EGFR: variants seen among roughly 807,000 people sequenced by gnomAD.
EGFR encodes the protein avian erythroblastic leukemia viral (v-erb-b) oncogene homolog.
In EGFR, 58 loss-of-function variants were observed where a neutral mutation model predicts 143.0. The observed-to-expected ratio is 0.41, with a 90% CI of 0.33 to 0.50. The LOEUF is 0.50. Ranked by LOEUF, EGFR falls within the 20% of genes least tolerant of loss-of-function variation. The pLI, the probability that EGFR is intolerant of heterozygous loss-of-function variation, is 0.39. For missense variants in EGFR, 1,307 were observed against 1,579.0 expected, an observed-to-expected ratio of 0.83 and a Z score of 2.92; for synonymous variants, 613 against 594.4, an observed-to-expected ratio of 1.03 and a Z score of -0.45.
intron 1 of EGFR, among the ~76,000 whole-genome samples, chr7:55,101,918 C>T (rs964176222): frequency 2.0e-5 from 3 of 152,162 alleles, no homozygotes; most frequent in African/African-American, 7.2e-5. Context: ...TCCACGCAGC[C>T]CAGAAGCCTT....
intron 1 of EGFR, among the ~76,000 whole-genome samples, chr7:55,035,927 A>G (rs1355242609): frequency 6.6e-6 from 1 of 152,088 alleles, no homozygotes; most frequent in Non-Finnish European, 1.5e-5. Flanking sequence ...TTATTTTGAT[A>G]TCATTATCTA....
rs112998448 is a variant in EGFR at position 55,201,720 on chromosome 7, C to A, written c.3115-15C>A. On this transcript the variant is annotated splice_polypyrimidine_tract_variant and intron_variant, in intron 25 of 27. Coordinates refer to ENST00000275493, the MANE Select transcript of EGFR (RefSeq NM_005228.5). ...TACAAGCATTCCATGGGCAACTTCT[C>A]TGTTTCTTTTTCAGAGTGCAACCAG... The A allele has an allele frequency of 6.2e-7, 1 of 1,614,206 alleles. No homozygotes were observed. The highest frequency in any genetic ancestry group is 1.3e-5 in the African/African-American group (1 of 75,060).
chr7:55,184,943 G>A (rs1300525428), intron 20 of EGFR, among the ~76,000 whole-genome samples: 1 of 152,164 alleles, frequency 6.6e-6, no homozygotes, highest in Non-Finnish European at 1.5e-5. Context: ...GAAACACTTA[G>A]TGGCTGACCA....
Position 55,142,299 on chromosome 7 carries a change from G to A in EGFR, c.102G>A (p.Thr34=), listed in dbSNP as rs148679319. ...ALEEKKVCQG[T]SNKLTQLGTF... ...TTTTTCTTCCAGTTTGCCAAGGCAC[G>A]AGTAACAAGCTCACGCAGTTGGGCA... The change falls in exon 2 of 28, where the codon ACG becomes ACA. Residue 34 remains threonine, a synonymous_variant. Coordinates refer to ENST00000275493, the MANE Select transcript of EGFR (RefSeq NM_005228.5). The A allele has an allele frequency of 4.3e-6, 7 of 1,614,054 alleles. No homozygotes were observed. Among genetic ancestry groups the A allele is most frequent in the South Asian group, 3.3e-5 (3 of 91,082 alleles).
Position 55,174,839 on chromosome 7 carries a change from G to A in EGFR, c.2283+19G>A, listed in dbSNP as rs1786529404. 2 of 1,604,390 alleles carry A rather than the reference G, an allele frequency of 1.2e-6. No homozygotes were observed. The highest frequency in any genetic ancestry group is 1.1e-5 in the South Asian group (1 of 90,898). On this transcript the variant is annotated intron_variant, in intron 19 of 27. Coordinates refer to ENST00000275493, the MANE Select transcript of EGFR (RefSeq NM_005228.5). ...CCTCGATGTGAGTTTCTGCTTTGCT[G>A]TGTGGGGGTCCATGGCTCTGAACCT... is the stretch of plus-strand genomic sequence containing the variant.
chr7:55,080,186 T>C (rs966736652), intron 1 of EGFR, among the ~76,000 whole-genome samples: 1 of 152,074 alleles, frequency 6.6e-6, no homozygotes, highest in African/African-American at 2.4e-5. Context: ...AGAGTTGAGG[T>C]CAAGGTTCTT....
rs1787902459 is a variant in EGFR, at chr7:55,202,657, C to T, written c.3271+32C>T. On this transcript the variant is annotated intron_variant, in intron 27 of 27. Coordinates refer to ENST00000275493, the MANE Select transcript of EGFR (RefSeq NM_005228.5). ...GGCTTGTCTGGAAACAGTCCTGCTC[C>T]TCAACCTCCTCGACCCACTCAGCAG... 1.9e-6 allele frequency: 3 copies of T among 1,575,910 alleles called. No individual in the cohort carries two copies. The East Asian group carries it at 7.1e-5, about 37-fold the overall frequency.
At chr7:55,166,164 CAAAA>C (rs201695298) in intron 15 of EGFR, 9 of 426,092 alleles carry the variant, frequency 2.1e-5, no homozygotes, top group African/African-American at 1.9e-4. Context: ...AAAACAAAAA[CAAAA>C]AAAAAAGCTA....
chr7:55,120,127 AGTGTTTCTGTTGCATCGCT>A (rs1182913934), intron 1 of EGFR, among the ~76,000 whole-genome samples: 1 of 152,134 alleles, frequency 6.6e-6, no homozygotes, highest in Non-Finnish European at 1.5e-5. Flanking sequence ...ACTCTTTTTC[AGTGTTTCTGTTGCATCGCT>A]GTGTCTCTCT....
At chr7:55,093,270 T>A (rs1045241388) in intron 1 of EGFR, among the ~76,000 whole-genome samples, 2 of 152,228 alleles carry the variant, frequency 1.3e-5, no homozygotes, top group Non-Finnish European at 2.9e-5. Context: ...GCCTTCCATG[T>A]TTTTTTGTTC....
intron 1 of EGFR, among the ~76,000 whole-genome samples, chr7:55,097,851 G>A (rs1338605919): frequency 6.6e-6 from 1 of 151,098 alleles, no homozygotes; most frequent in Non-Finnish European, 1.5e-5. Context: ...CTTTATTGAT[G>A]TCACCTAAAT....
chr7:55,132,857 A>G (rs541112799), intron 1 of EGFR, among the ~76,000 whole-genome samples: 2 of 152,290 alleles, frequency 1.3e-5, no homozygotes, highest in South Asian at 4.2e-4. Flanking sequence ...GAATTAATGA[A>G]CAAAAGAACA....
In EGFR at chr7:55,200,238, T is replaced by C. The variant is rs183284476; in HGVS notation, c.2849-78T>C. 18 of 1,343,658 alleles carry C rather than the reference T, an allele frequency of 1.3e-5. No individual in the cohort carries two copies. In the East Asian group the frequency reaches 3.9e-4, roughly 29 times the overall value. 83.2% of individuals were successfully genotyped at this position (1,343,658 alleles called of 1,614,324 possible). On this transcript the variant is annotated intron_variant, in intron 23 of 27. Coordinates refer to ENST00000275493, the MANE Select transcript of EGFR (RefSeq NM_005228.5). Reference sequence around the variant, plus strand: ...TTGACTGGAAGTGTCGCATCACCAATGCCTTCTTTAAGCAATGCCATCTTT... The same window carrying C: ...TTGACTGGAAGTGTCGCATCACCAACGCCTTCTTTAAGCAATGCCATCTTT...
chr7:55,206,855 G>A lies in EGFR; in HGVS notation c.*1238G>A. ...CACTTACAGCTCTGGCCACAACAGG[G>A]CATTTTACAGGTGCGAATGACAGTA... On this transcript the variant is annotated 3_prime_UTR_variant, in exon 28 of 28. Coordinates refer to ENST00000275493, the MANE Select transcript of EGFR (RefSeq NM_005228.5). 1 of 233,262 alleles carries A rather than the reference G, an allele frequency of 4.3e-6. No homozygotes were observed. Among genetic ancestry groups the A allele is most frequent in the Non-Finnish European group, 8.5e-6 (1 of 118,040 alleles). The allele number at this position is 233,262 out of a possible 1,614,324, so 14.4% of individuals were successfully genotyped here. A position where few individuals can be genotyped will look rare whatever the true frequency, so the allele number is the denominator to read the frequency against.
At chr7:55,124,309 A>G (rs1793390947) in intron 1 of EGFR, among the ~76,000 whole-genome samples, 1 of 152,188 alleles carries the variant, frequency 6.6e-6, no homozygotes, top group Admixed American at 6.5e-5. Flanking sequence ...AGGTTTTTGG[A>G]GAGGTATTTT....
chr7:55,142,271 G>A lies in EGFR; in HGVS notation c.89-15G>A, dbSNP rs777736869. ...TTTCTCAGTATTTCATGTGATATCTGTCTTTTTCTTCCAGTTTGCCAAGGC... is the reference window on the plus strand; with the variant it reads ...TTTCTCAGTATTTCATGTGATATCTATCTTTTTCTTCCAGTTTGCCAAGGC... On this transcript the variant is annotated splice_polypyrimidine_tract_variant and intron_variant, in intron 1 of 27. Coordinates refer to ENST00000275493, the MANE Select transcript of EGFR (RefSeq NM_005228.5). The A allele has an allele frequency of 1.9e-6, 3 of 1,614,128 alleles. No homozygotes were observed. In the Admixed American group the frequency reaches 5.0e-5, roughly 27 times the overall value.
rs1794771200 is a variant in EGFR at position 55,146,567 on chromosome 7, G to A, written c.425-39G>A. On this transcript the variant is annotated intron_variant, in intron 3 of 27. Coordinates refer to ENST00000275493, the MANE Select transcript of EGFR (RefSeq NM_005228.5). Reference sequence around the variant, plus strand: ...GCATCCTTCATGGGAATTTAAAGGAGCTGGAAAGAGTGCTCACCGCAGTTC... The same window carrying A: ...GCATCCTTCATGGGAATTTAAAGGAACTGGAAAGAGTGCTCACCGCAGTTC... 3 of 1,613,262 alleles carry A rather than the reference G, an allele frequency of 1.9e-6. No homozygotes were observed. In the East Asian group the frequency reaches 6.7e-5, roughly 36 times the overall value.
chr7:55,115,203 A>G (rs907634319), intron 1 of EGFR, among the ~76,000 whole-genome samples: 2 of 152,188 alleles, frequency 1.3e-5, no homozygotes, highest in Admixed American at 6.5e-5. Flanking sequence ...AAAAAATACC[A>G]TAAGTTAAAA....
chr7:55,039,771 A>G (rs1787797363), intron 1 of EGFR, among the ~76,000 whole-genome samples: 1 of 152,222 alleles, frequency 6.6e-6, no homozygotes, highest in African/African-American at 2.4e-5. Flanking sequence ...CAAAGAAAGC[A>G]GTCCGTGAAC....
Sources: allele counts gnomAD v4.1 joint callset (sites outside exome capture counted in the v4.1 genomes callset), GRCh38; gene constraint gnomAD v4.1.1; transcripts MANE v1.5; gene names NCBI Gene and HGNC (gene_info 2026-07-23, HGNC 2026-07-21).